TRPV1: variants seen among roughly 807,000 people sequenced by gnomAD.
TRPV1 encodes OTRPC1.
In TRPV1, 82 loss-of-function variants were observed where a neutral mutation model predicts 82.3. The observed-to-expected ratio is 1.00, with a 90% confidence interval of 0.83 to 1.20. The LOEUF is 1.20. TRPV1 is among the 50% of genes most tolerant of loss of function. The pLI is 0.00. For missense variants in TRPV1, 1,067 were observed against 1,096.8 expected, an observed-to-expected ratio of 0.97 and a Z score of 0.38; for synonymous variants, 515 against 467.7, an observed-to-expected ratio of 1.10 and a Z score of -1.30.
rs200530846 is a variant in TRPV1, at chr17:3,592,172, G to A, written c.179C>T (p.Pro60Leu). 3.5e-5 allele frequency: 57 copies of A among 1,613,620 alleles called. No individual in the cohort carries two copies. The highest frequency in any genetic ancestry group is 1.2e-4 in the Admixed American group (7 of 59,938). ...FGKGDSEEAF[P>L]VDCPHEEGEL... is the part of the protein sequence containing the mutation. Reference sequence around the variant, plus strand: ...ACCTTCCTCGTGAGGGCAATCCACCGGGAAAGCCTCCTCCGAGTCACCCTT... The same window carrying A: ...ACCTTCCTCGTGAGGGCAATCCACCAGGAAAGCCTCCTCCGAGTCACCCTT... The change falls in exon 3 of 17, where the codon CCG (proline) becomes CTG (leucine). Residue 60 changes from proline to leucine, a missense_variant. Transcript: ENST00000572705.
chr17:3,592,129 C>T lies in TRPV1; in HGVS notation c.222G>A (p.Pro74=), dbSNP rs559262267. 14 of 1,613,846 alleles carry T rather than the reference C, an allele frequency of 8.7e-6. No homozygotes were observed. Among genetic ancestry groups the T allele is most frequent in the South Asian group, 6.6e-5 (6 of 91,064 alleles). The change falls in exon 3 of 17, where the codon CCG becomes CCA. Residue 74 remains proline (P), a synonymous_variant. Transcript: ENST00000572705. Reference sequence around the variant, plus strand: ...TGATAACAGGGCTGACTGTGATGGTCGGGCAGGAGTCCAGCTCACCTTCCT... The same window carrying T: ...TGATAACAGGGCTGACTGTGATGGTTGGGCAGGAGTCCAGCTCACCTTCCT... ...PHEEGELDSC[P]TITVSPVITI...
intron 11 of TRPV1, 81 bp from the exon 12 acceptor site, chr17:3,577,844 T>C: frequency 7.1e-7 from 1 of 1,398,816 alleles, no homozygotes; most frequent in Non-Finnish European, 9.8e-7. Context: ...CACAGGCCGC[T>C]CAGAGGTCCA....
At chr17:3,595,042 G>A (rs1324353417) in intron 2 of TRPV1, among the ~76,000 whole-genome samples, 1 of 152,034 alleles carries the variant, frequency 6.6e-6, no homozygotes, top group African/African-American at 2.4e-5. Flanking sequence ...AGCCTGGGGG[G>A]CCGGGTGCTA....
At chr17:3,602,138 C>T (rs1211888354) in intron 2 of TRPV1, 1 of 152,222 alleles carries the variant, frequency 6.6e-6, no homozygotes, top group Non-Finnish European at 1.5e-5. Context: ...GAAGCACAGA[C>T]AGGCTACACA....
intron 2 of TRPV1, among the ~76,000 whole-genome samples, chr17:3,593,925 G>T (rs1478628032): frequency 6.6e-6 from 1 of 151,982 alleles, no homozygotes; most frequent in East Asian, 1.9e-4. Context: ...AGGAGTTCGA[G>T]ACCAGCCTGG....
Position 3,566,993 on chromosome 17 carries a change from G to A in TRPV1, c.2348-6C>T, listed in dbSNP as rs1172386984. Reference sequence around the variant, plus strand: ...CTTCCAGTGTCTGCCTGAAACTGAAGGGTAACACTATTACTACCTTGGATG... The same window carrying A: ...CTTCCAGTGTCTGCCTGAAACTGAAAGGTAACACTATTACTACCTTGGATG... On this transcript the variant is annotated splice_polypyrimidine_tract_variant and splice_region_variant and intron_variant, in intron 16 of 16. Coordinates refer to ENST00000572705, the MANE Select transcript of TRPV1 (RefSeq NM_080704.4). 4 of 1,613,538 alleles carry A rather than the reference G, an allele frequency of 2.5e-6. No individual in the cohort carries two copies. The East Asian group carries it at 6.7e-5, about 27-fold the overall frequency.
intron 3 of TRPV1, 129 bp from the exon 4 acceptor site, chr17:3,591,482 G>T: frequency 9.1e-7 from 1 of 1,098,598 alleles, no homozygotes; most frequent in South Asian, 1.7e-5. Context: ...TATAAAAGCT[G>T]CCCCTCAGTC....
intron 2 of TRPV1, among the ~76,000 whole-genome samples, chr17:3,595,299 G>A (rs905653825): frequency 1.2e-4 from 18 of 152,124 alleles, no homozygotes; most frequent in Non-Finnish European, 1.3e-4. Flanking sequence ...GCACGTCCCC[G>A]AGGTCACACA....
intron 2 of TRPV1, among the ~76,000 whole-genome samples, chr17:3,593,415 T>C (rs1267530913): frequency 6.6e-6 from 1 of 152,146 alleles, no homozygotes; most frequent in Non-Finnish European, 1.5e-5. Context: ...ACACATGAGC[T>C]GATGCTATTT....
chr17:3,606,458 C>T (rs1597560109), intron 2 of TRPV1, among the ~76,000 whole-genome samples: 2 of 152,192 alleles, frequency 1.3e-5, no homozygotes, highest in East Asian at 3.8e-4. Flanking sequence ...GACAGGCATT[C>T]CCTGTGCACG....
At position 3,573,611 on chromosome 17, in the gene TRPV1, C is replaced by A. The variant is rs902742282; in HGVS notation, c.2103+22G>T. ...CCCACACTCTCCGCGCCACTCACCA[C>A]CCCCCAACTCCACCCACCCACCTGC... On this transcript the variant is annotated intron_variant, in intron 14 of 16. Transcript: ENST00000572705. 9 of 1,596,220 alleles carry A rather than the reference C, an allele frequency of 5.6e-6. No individual in the cohort carries two copies. In the East Asian group the frequency reaches 9.0e-5, roughly 16 times the overall value.
intron 13 of TRPV1, 91 bp from the exon 14 acceptor site, chr17:3,574,046 A>G (rs1567659604): frequency 8.7e-7 from 1 of 1,151,794 alleles, no homozygotes; most frequent in Non-Finnish European, 1.2e-6. Context: ...TCAGTCTCAA[A>G]TAACTTTGTG....
At chr17:3,584,402 C>CAAGAAAAAAAAAAAAAAA (rs2075057678) in intron 9 of TRPV1, among the ~76,000 whole-genome samples, 1 of 16,746 alleles carries the variant, frequency 6.0e-5, no homozygotes, top group African/African-American at 2.3e-4. Flanking sequence ...GACTCTGTCT[C>CAAGAAAAAAAAAAAAAAA]AAAAAAAAAA....
intron 13 of TRPV1, among the ~76,000 whole-genome samples, chr17:3,575,576 G>T (rs749068462): frequency 4.2e-4 from 64 of 151,996 alleles, no homozygotes; most frequent in Non-Finnish European, 7.4e-4. Context: ...CCTGGTGAAA[G>T]TCTGATGAGA....
chr17:3,588,157 G>C, intron 8 of TRPV1, 31 bp downstream of exon 8: 1 of 1,542,428 alleles, frequency 6.5e-7, no homozygotes, highest in Middle Eastern at 1.8e-4. Flanking sequence ...GAGGCCCTGA[G>C]GCCCTCCCTG....
At chr17:3,604,745 G>A (rs1352593793) in intron 2 of TRPV1, among the ~76,000 whole-genome samples, 2 of 152,112 alleles carry the variant, frequency 1.3e-5, no homozygotes, top group African/African-American at 2.4e-5. Context: ...AGCGGCTGGT[G>A]GGCTGGAGTC....
chr17:3,595,816 A>G (rs1005155605), intron 2 of TRPV1: 8 of 152,220 alleles, frequency 5.3e-5, no homozygotes, highest in African/African-American at 1.9e-4. Flanking sequence ...CGCTGAATCT[A>G]TACTGCACAC....
intron 7 of TRPV1, 86 bp downstream of exon 7, chr17:3,589,721 C>T (rs913539709): frequency 7.4e-5 from 108 of 1,465,520 alleles, no homozygotes; most frequent in Middle Eastern, 2.2e-4. Flanking sequence ...CAGATAGCGA[C>T]GCCAGGCTCC....
At chr17:3,593,126 GTGTGTGTGTGTC>G (rs879329339) in intron 2 of TRPV1, among the ~76,000 whole-genome samples, 1,709 of 48,134 alleles carry the variant, frequency 0.036, 33 homozygotes, top group South Asian at 0.17. Context: ...GTGTGTGTGT[GTGTGTGTGTGTC>G]TGTGTGTCTC....
Sources: allele counts gnomAD v4.1 joint callset (sites outside exome capture counted in the v4.1 genomes callset), GRCh38; gene constraint gnomAD v4.1.1; transcripts MANE v1.5; gene names NCBI Gene and HGNC (gene_info 2026-07-23, HGNC 2026-07-21).